The following COL5A1 variants were observed in gnomAD, a reference collection of about 807,000 sequenced individuals.
The protein encoded by COL5A1 is collagen type V alpha 1 chain.
A neutral mutation model predicts 263.7 loss-of-function variants in COL5A1; 16 were observed. That is an observed-to-expected ratio of 0.06 (90% CI 0.04 to 0.09). COL5A1 has a LOEUF of 0.09. COL5A1 is among the 10% of genes least tolerant of loss of function. The probability of loss-of-function intolerance (pLI) is 1.00; values close to 1 mark genes in which losing one functional copy is unlikely to be tolerated. For synonymous variants in COL5A1, 1,012 were observed against 1,004.5 expected (o/e 1.01, Z -0.14); for missense variants, 2,036 against 2,540.5 (o/e 0.80, Z 4.27).
At chr9:134,825,145 C>A (rs1380193416) in intron 62 of COL5A1, among the ~76,000 whole-genome samples, 1 of 152,164 alleles carries the variant, frequency 6.6e-6, no homozygotes. Context: ...ACCTCGTGTT[C>A]CTGACCTGTC....
chr9:134,690,197 G>A (rs1430715370), intron 1 of COL5A1, among the ~76,000 whole-genome samples: 1 of 152,170 alleles, frequency 6.6e-6, no homozygotes, highest in Non-Finnish European at 1.5e-5. Flanking sequence ...CCCCTCCCTT[G>A]TTCTTGGCTC....
rs1833074168 is a variant in COL5A1 at position 134,686,167 on chromosome 9, T to A, written c.110-4745T>A. 6.6e-6 allele frequency among the ~76,000 whole-genome samples: 1 copy of A among 152,254 alleles called. No homozygotes were observed. Among genetic ancestry groups the A allele is most frequent in the Non-Finnish European group, 1.5e-5 (1 of 68,050 alleles). On this transcript the variant is annotated intron_variant, in intron 1 of 65. Coordinates refer to ENST00000371817, the MANE Select transcript of COL5A1 (RefSeq NM_000093.5). This position sits in a 1 kb window ranked among gnomAD's most constrained non-coding sequence, Gnocchi z 4.6. ...AGGGTCTTTGTGCTGCCTTTTGTGG[T>A]GCATGACACCCACGCAGAACTCAAA...
At chr9:134,662,039 G>A (rs564166405) in intron 1 of COL5A1, among the ~76,000 whole-genome samples, 87 of 151,282 alleles carry the variant, frequency 5.8e-4, no homozygotes, top group African/African-American at 1.7e-3. Context: ...GTTGGCTTCC[G>A]TAATCCAGCC....
chr9:134,792,881 ACGTGTGTGTGCGCGCGTGTGTGCACGCG>A (rs1372869531), intron 32 of COL5A1, among the ~76,000 whole-genome samples: 25 of 30,466 alleles, frequency 8.2e-4, no homozygotes, highest in African/African-American at 2.4e-4. Flanking sequence ...GTTTGTGCAC[ACGTGTGTGTGCGCGCGTGTGTGCACGCG>A]CGTGTGTGTG....
intron 11 of COL5A1, among the ~76,000 whole-genome samples, chr9:134,750,320 T>C (rs948953369): frequency 3.3e-5 from 5 of 152,152 alleles, no homozygotes; most frequent in Non-Finnish European, 7.4e-5. Flanking sequence ...CCTCCCTTCT[T>C]ATCCCTCCCT....
At chr9:134,722,921 G>A (rs1005818153) in intron 4 of COL5A1, among the ~76,000 whole-genome samples, 1 of 152,148 alleles carries the variant, frequency 6.6e-6, no homozygotes, top group Non-Finnish European at 1.5e-5. Flanking sequence ...GTCGGGGAGG[G>A]AAGGTGTGAA....
intron 1 of COL5A1, among the ~76,000 whole-genome samples, chr9:134,644,472 T>G (rs1319885739): frequency 2.3e-4 from 9 of 38,304 alleles, no homozygotes; most frequent in South Asian, 3.9e-3. Context: ...GATGCAGGCG[T>G]GGCGGGGAGG....
In COL5A1 at chr9:134,696,226, T is replaced by C. The variant is rs182744171; in HGVS notation, c.278-3683T>C. Among the ~76,000 whole-genome samples the C allele has an allele frequency of 6.5e-3, 990 of 152,184 alleles. 16 individuals are homozygous for C. Among genetic ancestry groups the C allele is most frequent in the Non-Finnish European group, 4.5e-3 (307 of 68,008 alleles). On this transcript the variant is annotated intron_variant, in intron 2 of 65. Transcript: ENST00000371817. This position sits in a 1 kb window ranked among gnomAD's most constrained non-coding sequence, Gnocchi z 4.3. ...TCTCACTCTGTCGCCCAGGCTGGAGTGCAGTGGTGTAATCTTGGCTCACGG... is the reference window on the plus strand; with the variant it reads ...TCTCACTCTGTCGCCCAGGCTGGAGCGCAGTGGTGTAATCTTGGCTCACGG...
chr9:134,817,336 C>T (rs11103537), intron 53 of COL5A1, among the ~76,000 whole-genome samples: 1 of 152,220 alleles, frequency 6.6e-6, no homozygotes, highest in East Asian at 1.9e-4. Context: ...GAAAGACACC[C>T]GCAAAGCTGC....
rs139865107 is a variant in COL5A1, at chr9:134,686,429, T to C, written c.110-4483T>C. The stretch of plus-strand genomic sequence containing the variant: ...CACCAAGCCCAGCTAATTTTTGTAT[T>C]TATGTAGAGACGGGGTTTTACCATG... On this transcript the variant is annotated intron_variant, in intron 1 of 65. Coordinates refer to ENST00000371817, the MANE Select transcript of COL5A1 (RefSeq NM_000093.5). This position sits in a 1 kb window ranked among gnomAD's most constrained non-coding sequence, Gnocchi z 4.6. Among the ~76,000 whole-genome samples, 37 of 152,180 alleles carry C rather than the reference T, an allele frequency of 2.4e-4. No individual in the cohort carries two copies. The highest frequency in any genetic ancestry group is 4.4e-4 in the Non-Finnish European group (30 of 68,010).
chr9:134,731,270 G>A (rs565418412), intron 7 of COL5A1, among the ~76,000 whole-genome samples: 2 of 152,276 alleles, frequency 1.3e-5, no homozygotes, highest in African/African-American at 4.8e-5. Context: ...CAGCTCCATG[G>A]TGTGCCAGCT....
intron 27 of COL5A1, among the ~76,000 whole-genome samples, chr9:134,777,787 G>A (rs989738297): frequency 1.3e-5 from 2 of 152,156 alleles, no homozygotes; most frequent in African/African-American, 4.8e-5. Flanking sequence ...CTGTGCCAGG[G>A]AGTTTAGTGC....
In COL5A1 at chr9:134,700,705, G is replaced by A. The variant is rs1431930804; in HGVS notation, c.492-466G>A. Among the ~76,000 whole-genome samples the A allele has an allele frequency of 2.0e-5, 3 of 152,148 alleles. No individual in the cohort carries two copies. The East Asian group carries it at 5.8e-4, about 29-fold the overall frequency. Reference sequence around the variant, plus strand: ...CTTCCACCATTTCCCGTCCACACCCGGTCTTCTCTGGCTGCCTGCAGTTTG... The same window carrying A: ...CTTCCACCATTTCCCGTCCACACCCAGTCTTCTCTGGCTGCCTGCAGTTTG... On this transcript the variant is annotated intron_variant, in intron 3 of 65. Transcript: ENST00000371817. This position sits in a 1 kb window ranked among gnomAD's most constrained non-coding sequence, Gnocchi z 4.0.
At chr9:134,823,747 TGTA>T (rs1445961129) in intron 61 of COL5A1, among the ~76,000 whole-genome samples, 3 of 152,128 alleles carry the variant, frequency 2.0e-5, no homozygotes, top group African/African-American at 4.8e-5. Flanking sequence ...TGTGTGAACG[TGTA>T]GTATATGCGT....
rs533675382 is a variant in COL5A1, at chr9:134,791,298, G to C, written c.2700+2090G>C. Reference sequence around the variant, plus strand: ...GACCTCAGGCCAAAAGGGCGAGGCCGTGTGCTTCCCCTTGAGCCATGGTAG... The same window carrying C: ...GACCTCAGGCCAAAAGGGCGAGGCCCTGTGCTTCCCCTTGAGCCATGGTAG... On this transcript the variant is annotated intron_variant, in intron 32 of 65. Coordinates refer to ENST00000371817, the MANE Select transcript of COL5A1 (RefSeq NM_000093.5). 2.6e-5 allele frequency among the ~76,000 whole-genome samples: 4 copies of C among 152,314 alleles called. No homozygotes were observed. In the East Asian group the frequency reaches 7.7e-4, roughly 29 times the overall value.
chr9:134,663,739 A>AGGACTT (rs1832277670), intron 1 of COL5A1, among the ~76,000 whole-genome samples: 2 of 152,228 alleles, frequency 1.3e-5, no homozygotes, highest in Non-Finnish European at 2.9e-5. Context: ...CTCTGCCCTG[A>AGGACTT]GGACTTGGAC....
At chr9:134,820,708 C>T (rs535052603) in intron 58 of COL5A1, among the ~76,000 whole-genome samples, 35 of 152,272 alleles carry the variant, frequency 2.3e-4, no homozygotes, top group Admixed American at 1.4e-3. Flanking sequence ...GCCAAGGAAA[C>T]GCCATGCAGA....
chr9:134,745,938 C>T (rs967367221), intron 11 of COL5A1, among the ~76,000 whole-genome samples: 16 of 152,100 alleles, frequency 1.1e-4, no homozygotes, highest in African/African-American at 3.6e-4. Flanking sequence ...CTGTCTTCAC[C>T]CAGCCCTCCC....
intron 1 of COL5A1, among the ~76,000 whole-genome samples, chr9:134,646,854 G>T (rs1831492706): frequency 1.3e-5 from 2 of 152,204 alleles, no homozygotes; most frequent in South Asian, 4.1e-4. Context: ...TGTGAGGCTG[G>T]AGCTGAGTTT....
Sources: allele counts gnomAD v4.1 joint callset (sites outside exome capture counted in the v4.1 genomes callset), GRCh38; gene constraint gnomAD v4.1.1; non-coding constraint Gnocchi (gnomAD v3.1); transcripts MANE v1.5; gene names NCBI Gene and HGNC (gene_info 2026-07-23, HGNC 2026-07-21).